The following MAP4K5 variants were observed in gnomAD, a reference collection of about 807,000 sequenced individuals.
MAP4K5 encodes MAPK/ERK kinase kinase kinase 5.
Under a neutral mutation model 135.6 loss-of-function variants are expected in MAP4K5, and 82 were observed. That is an observed-to-expected ratio of 0.60 (90% CI 0.51 to 0.73). MAP4K5 has a LOEUF of 0.73. Among genes scored for constraint, MAP4K5 ranks in the 30% least tolerant of loss-of-function variants. The pLI is 0.00. For missense variants in MAP4K5, 907 were observed against 1,010.9 expected (o/e 0.90, Z 1.39); for synonymous variants, 347 against 335.0 (o/e 1.04, Z -0.39).
chr14:50,551,037 G>C (rs1298289667), intron 1 of MAP4K5, among the ~76,000 whole-genome samples: 2 of 151,788 alleles, frequency 1.3e-5, no homozygotes, highest in Non-Finnish European at 2.9e-5. Flanking sequence ...GATCACAGCA[G>C]AAACTAAATG....
intron 3 of MAP4K5, among the ~76,000 whole-genome samples, chr14:50,486,617 C>T (rs1005619058): frequency 6.6e-6 from 1 of 152,054 alleles, no homozygotes; most frequent in Admixed American, 6.5e-5. Context: ...TACAATCAAA[C>T]CCTTATGAGT....
At chr14:50,517,798 C>T (rs8004734) in intron 2 of MAP4K5, among the ~76,000 whole-genome samples, 149,396 of 152,264 alleles carry the variant, frequency 0.98, 73,344 homozygotes, top group Middle Eastern at 1. Context: ...AAAAAATAAA[C>T]GTTGAAAGTG....
At chr14:50,428,562 T>C (rs1243210996) in intron 30 of MAP4K5, 100 bp downstream of exon 30, 15 of 660,646 alleles carry the variant, frequency 2.3e-5, no homozygotes, top group Non-Finnish European at 3.4e-5. Flanking sequence ...TTTACAGAAA[T>C]TTCTGTGAGA....
chr14:50,486,033 T>C (rs954187964), intron 4 of MAP4K5, 71 bp downstream of exon 4: 4 of 661,514 alleles, frequency 6.0e-6, no homozygotes, highest in Non-Finnish European at 1.1e-5. Context: ...AGCACTTACA[T>C]ACAAGGGAGA....
intron 11 of MAP4K5, among the ~76,000 whole-genome samples, chr14:50,464,545 G>A (rs898788028): frequency 5.9e-5 from 9 of 152,154 alleles, no homozygotes; most frequent in Non-Finnish European, 8.8e-5. Context: ...AAATCCCAAA[G>A]AGGCTGATGA....
At chr14:50,499,329 A>G (rs1332243679) in intron 3 of MAP4K5, among the ~76,000 whole-genome samples, 3 of 152,136 alleles carry the variant, frequency 2.0e-5, no homozygotes, top group Non-Finnish European at 2.9e-5. Context: ...ACTTATATAG[A>G]ACTAATAAAA....
chr14:50,515,032 T>C (rs1277949440), intron 2 of MAP4K5, among the ~76,000 whole-genome samples: 1 of 151,954 alleles, frequency 6.6e-6, no homozygotes, highest in Non-Finnish European at 1.5e-5. Flanking sequence ...GCCTCCCGAG[T>C]AGCTGGGACT....
intron 21 of MAP4K5, 95 bp downstream of exon 21, chr14:50,442,637 A>G (rs2139707127): frequency 1.1e-6 from 1 of 890,422 alleles, no homozygotes; most frequent in Non-Finnish European, 1.8e-6. Flanking sequence ...CTAAAGTCGT[A>G]TTTTTAAAAT....
At chr14:50,524,693 AC>A (rs1439244745) in intron 2 of MAP4K5, among the ~76,000 whole-genome samples, 1 of 152,000 alleles carries the variant, frequency 6.6e-6, no homozygotes, top group Non-Finnish European at 1.5e-5. Context: ...CTAAAGGAAT[AC>A]CTGCAAAAAT....
At chr14:50,509,242 G>C (rs2037879468) in intron 2 of MAP4K5, among the ~76,000 whole-genome samples, 1 of 151,808 alleles carries the variant, frequency 6.6e-6, no homozygotes, top group Admixed American at 6.6e-5. Flanking sequence ...TGGGGTGGGG[G>C]GCAGGGGGAG....
At chr14:50,454,701 A>T (rs1338967939) in intron 14 of MAP4K5, among the ~76,000 whole-genome samples, 1 of 152,090 alleles carries the variant, frequency 6.6e-6, no homozygotes, top group Non-Finnish European at 1.5e-5. Context: ...ACTAAATCTT[A>T]TCTCTGAAGA....
At chr14:50,529,778 G>A (rs1015226072) in intron 2 of MAP4K5, among the ~76,000 whole-genome samples, 3 of 152,116 alleles carry the variant, frequency 2.0e-5, no homozygotes, top group African/African-American at 4.8e-5. Flanking sequence ...GAGACATTAC[G>A]AAGAGAGGAA....
chr14:50,544,319 A>C (rs994448352), intron 1 of MAP4K5, among the ~76,000 whole-genome samples: 1 of 152,212 alleles, frequency 6.6e-6, no homozygotes, highest in South Asian at 2.1e-4. Flanking sequence ...TGTCCTTACT[A>C]TCAGAACCAC....
At chr14:50,438,567 A>C (rs59657311) in intron 23 of MAP4K5, among the ~76,000 whole-genome samples, 3,758 of 152,284 alleles carry the variant, frequency 0.025, 58 homozygotes, top group East Asian at 0.066. Flanking sequence ...ATAATAAAAA[A>C]TATGGCTGTA....
chr14:50,494,441 C>T (rs2037552476), intron 3 of MAP4K5, among the ~76,000 whole-genome samples: 1 of 152,118 alleles, frequency 6.6e-6, no homozygotes, highest in Non-Finnish European at 1.5e-5. Flanking sequence ...GCTGGGATTA[C>T]AAGCGTGAGC....
chr14:50,512,634 T>A (rs1427142552), intron 2 of MAP4K5, among the ~76,000 whole-genome samples: 1 of 152,158 alleles, frequency 6.6e-6, no homozygotes. Flanking sequence ...ATTTTCCAGC[T>A]GGATTTTTAA....
rs943549005 is a variant in MAP4K5, at chr14:50,477,935, T to C, written c.379-1629A>G. ...GTAGTTTTGTTCTCTTGTAAGATTG[T>C]TGTCTAATTTTGGTGTCAGAAAAAT... On this transcript the variant is annotated intron_variant, in intron 6 of 32. Coordinates refer to ENST00000682126, the MANE Select transcript of MAP4K5 (RefSeq NM_006575.6). Among the ~76,000 whole-genome samples the C allele has an allele frequency of 3.3e-5, 5 of 152,190 alleles. 1 individual carries two copies. The highest frequency in any genetic ancestry group is 4.8e-5 in the African/African-American group (2 of 41,468).
chr14:50,432,392 T>C (rs1340287344), intron 28 of MAP4K5, among the ~76,000 whole-genome samples: 2 of 152,086 alleles, frequency 1.3e-5, no homozygotes, highest in Non-Finnish European at 2.9e-5. Flanking sequence ...CAGGCAGTAA[T>C]TTGGGTCTTT....
chr14:50,542,290 G>A (rs1029814808), intron 2 of MAP4K5, among the ~76,000 whole-genome samples: 2 of 149,824 alleles, frequency 1.3e-5, no homozygotes, highest in African/African-American at 2.5e-5. Flanking sequence ...GGTGTCGGGG[G>A]GAGGGGGTTG....
Sources: gnomAD v4.1 joint callset for allele counts (sites outside exome capture counted in the v4.1 genomes callset) on GRCh38, gnomAD v4.1.1 for gene constraint, MANE v1.5 for transcripts, NCBI Gene and HGNC (gene_info 2026-07-23, HGNC 2026-07-21) for gene names.